GALNT3: variants seen among roughly 807,000 people sequenced by gnomAD.
GALNT3 encodes GalNAc transferase 3.
A neutral mutation model predicts 69.8 loss-of-function variants in GALNT3; 51 were observed. The ratio of observed to expected loss-of-function variants is 0.73; its 90% CI spans 0.58 to 0.92. The LOEUF is 0.92. Among genes scored for constraint, GALNT3 ranks in the 40% least tolerant of loss-of-function variants. GALNT3 has a pLI of 0.00. For synonymous variants in GALNT3, 265 were observed against 248.5 expected (o/e 1.07, Z -0.63); for missense variants, 711 against 760.0 (o/e 0.94, Z 0.76).
At chr2:165,769,407 A>AAATAAT (rs35161167) in intron 2 of GALNT3, among the ~76,000 whole-genome samples, 34,650 of 131,068 alleles carry the variant, frequency 0.26, 4,908 homozygotes, top group Non-Finnish European at 0.31. Context: ...CTCCATCTCA[A>AAATAAT]AATAATAATA....
intron 1 of GALNT3, among the ~76,000 whole-genome samples, chr2:165,786,772 G>A (rs531548827): frequency 1.3e-5 from 2 of 152,130 alleles, no homozygotes; most frequent in South Asian, 4.1e-4. Flanking sequence ...CTTGTAAATA[G>A]AGGCAAAATA....
chr2:165,755,117 G>A (rs1688424201), intron 7 of GALNT3, 54 bp from the exon 8 acceptor site: 2 of 1,478,280 alleles, frequency 1.4e-6, no homozygotes, highest in Non-Finnish European at 1.9e-6. Context: ...CATTGATAAA[G>A]CACTTAAAAT....
intron 7 of GALNT3, among the ~76,000 whole-genome samples, chr2:165,756,105 C>T (rs1433087493): frequency 6.6e-6 from 1 of 152,132 alleles, no homozygotes; most frequent in Non-Finnish European, 1.5e-5. Flanking sequence ...AATTTGCATC[C>T]TAACAGGGAG....
chr2:165,773,017 A>T (rs936257244), intron 1 of GALNT3, among the ~76,000 whole-genome samples: 2 of 152,198 alleles, frequency 1.3e-5, no homozygotes, highest in African/African-American at 4.8e-5. Flanking sequence ...TATTAATGAG[A>T]TGAGGTGGGT....
chr2:165,772,284 A>T (rs952066605), intron 1 of GALNT3, among the ~76,000 whole-genome samples: 10 of 152,102 alleles, frequency 6.6e-5, no homozygotes, highest in Non-Finnish European at 1.3e-4. Context: ...CTACGACAGG[A>T]GACTAAGAAA....
Position 165,747,786 on chromosome 2 carries a change from A to C in GALNT3, c.*995T>G, listed in dbSNP as rs1337312088. 1 of 164,524 alleles carries C rather than the reference A, an allele frequency of 6.1e-6. No homozygotes were observed. The highest frequency in any genetic ancestry group is 1.3e-5 in the Non-Finnish European group (1 of 75,220). 10.2% of individuals were successfully genotyped at this position (164,524 alleles called of 1,614,324 possible). A position where few individuals can be genotyped will look rare whatever the true frequency, so the allele number is the denominator to read the frequency against. ...TACAGATTTTACCCAAAAGAGGAAA[A>C]AAACTTAACCAAATGATTACAATAG... On this transcript the variant is annotated 3_prime_UTR_variant, in exon 11 of 11. Coordinates refer to ENST00000392701, the MANE Select transcript of GALNT3 (RefSeq NM_004482.4).
intron 9 of GALNT3, among the ~76,000 whole-genome samples, chr2:165,750,807 C>A (rs550247274): frequency 2.8e-4 from 42 of 152,260 alleles, no homozygotes; most frequent in African/African-American, 1.0e-3. Context: ...TCACACAATT[C>A]TACCAATCAG....
intron 7 of GALNT3, among the ~76,000 whole-genome samples, chr2:165,756,783 G>A (rs1331115976): frequency 3.3e-5 from 5 of 152,010 alleles, no homozygotes; most frequent in East Asian, 1.9e-4. Context: ...AATTTTCTTC[G>A]AGTAAAATAT....
chr2:165,749,845 T>G lies in GALNT3; in HGVS notation c.1676A>C (p.Glu559Ala), dbSNP rs768399418. The change falls in exon 10 of 11, where the codon GAA becomes GCA. Residue 559 changes from glutamate to alanine, a missense_variant. Coordinates refer to ENST00000392701, the MANE Select transcript of GALNT3 (RefSeq NM_004482.4). ...ACCTTGAGCAGCATGAAGACATAAT[T>G]CCTTCTGGATGTTGTGCCGAATTTC... Reference protein sequence around the residue: ...QHEIRHNIQKELCLHAAQGLV... With the variant: ...QHEIRHNIQKALCLHAAQGLV... The G allele has an allele frequency of 5.2e-5, 84 of 1,613,574 alleles. No homozygotes were observed. The highest frequency in any genetic ancestry group is 7.0e-5 in the Non-Finnish European group (82 of 1,179,680).
In GALNT3 at chr2:165,776,387, T is replaced by G. The variant is rs563618966; in HGVS notation, c.-108-5579A>C. ...GGATATAACATGTCATATTTGCACA[T>G]TAGAAATGATTAGCAGATAAAGGGT... On this transcript the variant is annotated intron_variant, in intron 1 of 10. Coordinates refer to ENST00000392701, the MANE Select transcript of GALNT3 (RefSeq NM_004482.4). Among the ~76,000 whole-genome samples the G allele has an allele frequency of 2.0e-5, 3 of 152,256 alleles. No individual in the cohort carries two copies. The South Asian group carries it at 6.2e-4, about 32-fold the overall frequency.
At chr2:165,791,151 C>A (rs543476442) in intron 1 of GALNT3, among the ~76,000 whole-genome samples, 1 of 152,090 alleles carries the variant, frequency 6.6e-6, no homozygotes, top group Non-Finnish European at 1.5e-5. Flanking sequence ...TTTAATCTAG[C>A]ACCAAGGTCC....
chr2:165,788,466 GGTGTGTGTGTGTGT>G (rs148293638), intron 1 of GALNT3, among the ~76,000 whole-genome samples: 1,407 of 139,598 alleles, frequency 0.01, 10 homozygotes, highest in Middle Eastern at 0.066. Context: ...AATCCAAAAG[GGTGTGTGTGTGTGT>G]GTGTGTGTGT....
At chr2:165,784,971 A>G (rs958664872) in intron 1 of GALNT3, among the ~76,000 whole-genome samples, 1 of 152,208 alleles carries the variant, frequency 6.6e-6, no homozygotes, top group Non-Finnish European at 1.5e-5. Context: ...TCTGCCATTA[A>G]GTATTTACTA....
chr2:165,793,817 C>T (rs2105238231), intron 1 of GALNT3, 198 bp downstream of exon 1: 1 of 153,002 alleles, frequency 6.5e-6, no homozygotes, highest in Non-Finnish European at 1.5e-5. Flanking sequence ...CCCCCCGAGG[C>T]GCCACCTGCC....
chr2:165,774,761 G>A (rs1688814840), intron 1 of GALNT3, among the ~76,000 whole-genome samples: 1 of 151,976 alleles, frequency 6.6e-6, no homozygotes, highest in Admixed American at 6.6e-5. Flanking sequence ...GAAAAAGGAA[G>A]AAAGAGGACC....
In GALNT3 at chr2:165,761,105, G is replaced by A. The variant is rs1386151306; in HGVS notation, c.838+800C>T. Among the ~76,000 whole-genome samples, 3 of 103,970 alleles carry A rather than the reference G, an allele frequency of 2.9e-5. No homozygotes were observed. The Admixed American group carries it at 3.2e-4, about 11-fold the overall frequency. 68.2% of individuals were successfully genotyped at this position (103,970 alleles called of 152,430 possible). A position where few individuals can be genotyped will look rare whatever the true frequency, so the allele number is the denominator to read the frequency against. On this transcript the variant is annotated intron_variant, in intron 4 of 10. Coordinates refer to ENST00000392701, the MANE Select transcript of GALNT3 (RefSeq NM_004482.4). The stretch of plus-strand genomic sequence containing the variant: ...CGCAGACTCCTTTTTATGCCAAGGA[G>A]TCTGCAAATTTAAAAAAAAAAACAC...
rs547135025 is a variant in GALNT3, at chr2:165,751,427, C to G, written c.1627-1533G>C. On this transcript the variant is annotated intron_variant, in intron 9 of 10. Transcript: ENST00000392701. ...CTTCAGATGGAAACACAGGAAGAAA[C>G]TGAGTTTAGATGATGAAAATAGCAT... Among the ~76,000 whole-genome samples the G allele has an allele frequency of 5.9e-5, 9 of 152,160 alleles. No individual in the cohort carries two copies. The South Asian group carries it at 1.7e-3, about 28-fold the overall frequency.
At chr2:165,757,353 G>C (rs1688464455) in intron 6 of GALNT3, 106 bp from the exon 7 acceptor site, 1 of 1,035,150 alleles carries the variant, frequency 9.7e-7, no homozygotes, top group Non-Finnish European at 1.5e-6. Flanking sequence ...TTAGAGAAGA[G>C]ATTACAATAT....
intron 1 of GALNT3, among the ~76,000 whole-genome samples, chr2:165,782,026 T>C (rs1466561954): frequency 6.6e-6 from 1 of 152,122 alleles, no homozygotes; most frequent in East Asian, 1.9e-4. Flanking sequence ...CACCCAATAA[T>C]TAAGTTTAGG....
Sources: gnomAD v4.1 joint callset for allele counts (sites outside exome capture counted in the v4.1 genomes callset) on GRCh38, gnomAD v4.1.1 for gene constraint, MANE v1.5 for transcripts, NCBI Gene and HGNC (gene_info 2026-07-23, HGNC 2026-07-21) for gene names.